The following DRD2 variants were observed in gnomAD, a reference collection of about 807,000 sequenced individuals.
DRD2 encodes dopamine receptor D2, also known as D(2) dopamine receptor.
Under a neutral mutation model 38.0 loss-of-function variants are expected in DRD2, and 8 were observed. That is an observed-to-expected ratio of 0.21 (90% CI 0.12 to 0.38). DRD2 has a LOEUF of 0.38. Ranked by LOEUF, DRD2 falls within the 10% of genes least tolerant of loss-of-function variation. The pLI, the probability that DRD2 is intolerant of heterozygous loss-of-function variation, is 1.00. For synonymous variants in DRD2, 230 were observed against 238.6 expected (o/e 0.96, Z 0.33); for missense variants, 403 against 607.7 (o/e 0.66, Z 3.54).
chr11:113,448,099 A>G (rs1257255658), intron 1 of DRD2, among the ~76,000 whole-genome samples: 1 of 152,192 alleles, frequency 6.6e-6, no homozygotes, highest in African/African-American at 2.4e-5. Context: ...CCTTCAGGCT[A>G]GGAAGTCATC....
intron 3 of DRD2, among the ~76,000 whole-genome samples, chr11:113,417,282 A>C (rs1230789501): frequency 6.6e-6 from 1 of 152,200 alleles, no homozygotes; most frequent in Admixed American, 6.5e-5. Flanking sequence ...CTTTTCGAAG[A>C]ACCATGGCCT....
At chr11:113,471,497 G>C (rs1381756711) in intron 1 of DRD2, among the ~76,000 whole-genome samples, 1 of 152,110 alleles carries the variant, frequency 6.6e-6, no homozygotes, top group African/African-American at 2.4e-5. Flanking sequence ...ATGGTGCTGG[G>C]GTTCAGCTAA....
chr11:113,438,624 C>T (rs1030428112), intron 1 of DRD2, among the ~76,000 whole-genome samples: 3 of 152,198 alleles, frequency 2.0e-5, no homozygotes, highest in Non-Finnish European at 4.4e-5. Context: ...AATATCAGGG[C>T]ACCTGGCAGG....
At chr11:113,413,386 AG>A in intron 6 of DRD2, 2 of 519,866 alleles carry the variant, frequency 3.8e-6, no homozygotes, top group Non-Finnish European at 7.7e-6. Flanking sequence ...AGACTAATCT[AG>A]GTGCCAAAAG....
At chr11:113,425,441 C>T (rs532681975) in intron 1 of DRD2, among the ~76,000 whole-genome samples, 1 of 152,228 alleles carries the variant, frequency 6.6e-6, no homozygotes, top group South Asian at 2.1e-4. Flanking sequence ...TGCAGAGGGA[C>T]CTGGCAAGGG....
At chr11:113,414,313 G>C (rs1950800364) in intron 6 of DRD2, 62 bp downstream of exon 6, 1 of 1,503,010 alleles carries the variant, frequency 6.7e-7, no homozygotes, top group Non-Finnish European at 9.3e-7. Context: ...TCAGAACCAT[G>C]GCCAGTGGGC....
chr11:113,462,559 G>A (rs539458400), intron 1 of DRD2, among the ~76,000 whole-genome samples: 2 of 152,206 alleles, frequency 1.3e-5, no homozygotes, highest in African/African-American at 4.8e-5. Context: ...GGAGCTGGAA[G>A]AGACAAGACA....
rs184984763 is a variant in DRD2 at position 113,419,291 on chromosome 11, C to T, written c.286-1155G>A. Among the ~76,000 whole-genome samples the T allele has an allele frequency of 3.9e-5, 6 of 152,280 alleles. No homozygotes were observed. In the East Asian group the frequency reaches 9.7e-4, roughly 25 times the overall value. On this transcript the variant is annotated intron_variant, in intron 2 of 7. Transcript: ENST00000362072. Reference sequence around the variant, plus strand: ...TCTGCTCCTTCTTATACCCAGAGAACGAAAGAAGGCAGATCTGGGCTAGTG... The same window carrying T: ...TCTGCTCCTTCTTATACCCAGAGAATGAAAGAAGGCAGATCTGGGCTAGTG...
At chr11:113,437,546 G>A (rs1210724506) in intron 1 of DRD2, among the ~76,000 whole-genome samples, 1 of 152,206 alleles carries the variant, frequency 6.6e-6, no homozygotes. Flanking sequence ...AGAATTCTAA[G>A]TGACTTAGGC....
chr11:113,452,469 T>TGC (rs150781651), intron 1 of DRD2, among the ~76,000 whole-genome samples: 10,873 of 118,334 alleles, frequency 0.092, 724 homozygotes, highest in South Asian at 0.17. Flanking sequence ...TGTGTGTGTG[T>TGC]GCGCGCGCGC....
chr11:113,458,615 G>C (rs562904144), intron 1 of DRD2, among the ~76,000 whole-genome samples: 3 of 152,354 alleles, frequency 2.0e-5, no homozygotes, highest in African/African-American at 7.2e-5. Context: ...CTTATGCTGT[G>C]TGTATATCAT....
intron 2 of DRD2, among the ~76,000 whole-genome samples, chr11:113,421,725 G>C (rs763742873): frequency 1.3e-5 from 2 of 152,232 alleles, no homozygotes; most frequent in African/African-American, 2.4e-5. Flanking sequence ...GCATGTATTA[G>C]AGAGGGGACA....
Position 113,424,551 on chromosome 11 carries a change from T to C in DRD2, c.101A>G (p.Tyr34Cys), listed in dbSNP as rs1950920292. ...GGTGAGCAGTGTGGCATAGTAGTTG[T>C]AGTGGGGTCTGTCCGCCTTCCCGTC... ...GSDGKADRPH[Y>C]NYYATLLTLL... Residue 34 changes from tyrosine to cysteine, a missense_variant, in exon 2 of 8, where the codon TAC becomes TGC. Around this residue, in one of 4 missense-constraint regions of DRD2, gnomAD observed 162 missense variants for 254.5 expected, o/e 0.64. Coordinates refer to ENST00000362072, the MANE Select transcript of DRD2 (RefSeq NM_000795.4). 6.2e-7 allele frequency: 1 copy of C among 1,614,196 alleles called. No homozygotes were observed. The highest frequency in any genetic ancestry group is 1.6e-4 in the Middle Eastern group (1 of 6,062).
intron 1 of DRD2, among the ~76,000 whole-genome samples, chr11:113,426,764 G>C (rs1420350995): frequency 2.0e-5 from 3 of 152,186 alleles, no homozygotes; most frequent in African/African-American, 7.2e-5. Context: ...GACATGGAAT[G>C]CCACCACGCA....
chr11:113,414,931 C>A (rs1258698557), intron 5 of DRD2, among the ~76,000 whole-genome samples: 1 of 152,084 alleles, frequency 6.6e-6, no homozygotes, highest in Non-Finnish European at 1.5e-5. Context: ...TTGTGAAGGA[C>A]TGAGTGAAGG....
At chr11:113,451,117 G>C (rs1439645343) in intron 1 of DRD2, among the ~76,000 whole-genome samples, 1 of 152,182 alleles carries the variant, frequency 6.6e-6, no homozygotes, top group Non-Finnish European at 1.5e-5. Context: ...AATTGGAATA[G>C]GCATATTCAG....
chr11:113,452,986 A>G (rs1014978827), intron 1 of DRD2, among the ~76,000 whole-genome samples: 7 of 151,850 alleles, frequency 4.6e-5, no homozygotes, highest in African/African-American at 1.4e-4. Flanking sequence ...TTCACACCAT[A>G]CTTTACTTTA....
chr11:113,459,292 AC>A, intron 1 of DRD2, among the ~76,000 whole-genome samples: 2 of 152,246 alleles, frequency 1.3e-5, no homozygotes, highest in South Asian at 4.1e-4. Context: ...AAAAATGAAC[AC>A]CTTAATAGAA....
At chr11:113,438,347 T>A (rs1336215977) in intron 1 of DRD2, among the ~76,000 whole-genome samples, 1 of 152,088 alleles carries the variant, frequency 6.6e-6, no homozygotes, top group Non-Finnish European at 1.5e-5. Context: ...GGTTGCAAAA[T>A]TGACTTAGAA....
Sources: allele counts gnomAD v4.1 joint callset (sites outside exome capture counted in the v4.1 genomes callset), GRCh38; gene constraint gnomAD v4.1.1; regional missense constraint gnomAD v4.1.1; transcripts MANE v1.5; gene names NCBI Gene and HGNC (gene_info 2026-07-23, HGNC 2026-07-21).